The following CFAP61 variants were observed in gnomAD, a reference collection of about 807,000 sequenced individuals.
CFAP61 encodes the protein cilia and flagella associated protein 61, also known as cilia- and flagella-associated protein 61.
In CFAP61, 107 loss-of-function variants were observed where a neutral mutation model predicts 135.6. The observed-to-expected ratio is 0.79, with a 90% CI of 0.67 to 0.93. The LOEUF (loss-of-function observed/expected upper bound fraction) is 0.93. Among genes scored for constraint, CFAP61 ranks in the 40% least tolerant of loss-of-function variants. The pLI, the probability that CFAP61 is intolerant of heterozygous loss-of-function variation, is 0.00. For synonymous variants in CFAP61, 575 were observed against 578.5 expected (o/e 0.99, Z 0.09); for missense variants, 1,507 against 1,556.2 (o/e 0.97, Z 0.53).
At chr20:20,088,738 G>T (rs905961650) in intron 6 of CFAP61, among the ~76,000 whole-genome samples, 1 of 152,120 alleles carries the variant, frequency 6.6e-6, no homozygotes, top group African/African-American at 2.4e-5. Context: ...TTCTGTGTGT[G>T]TTTTTTCCTC....
intron 3 of CFAP61, among the ~76,000 whole-genome samples, chr20:20,073,114 T>C (rs1472849734): frequency 6.6e-6 from 1 of 152,216 alleles, no homozygotes; most frequent in African/African-American, 2.4e-5. Context: ...ATATTTATGA[T>C]GGAAGAGAGA....
intron 18 of CFAP61, among the ~76,000 whole-genome samples, chr20:20,229,573 C>T (rs780618508): frequency 6.6e-6 from 1 of 152,048 alleles, no homozygotes; most frequent in African/African-American, 2.4e-5. Context: ...TTGTGAAGGG[C>T]TGGGTAAGCA....
intron 6 of CFAP61, among the ~76,000 whole-genome samples, chr20:20,081,908 T>C (rs2046457982): frequency 6.6e-6 from 1 of 152,170 alleles, no homozygotes; most frequent in South Asian, 2.1e-4. Flanking sequence ...CAGTAGTGAA[T>C]TCGTGTGGAA....
intron 7 of CFAP61, among the ~76,000 whole-genome samples, chr20:20,095,352 A>C (rs6046616): frequency 0.54 from 82,347 of 152,154 alleles, 23,162 homozygotes; most frequent in East Asian, 0.97. Flanking sequence ...TAAGGCAACC[A>C]CTGTCAACCA....
intron 7 of CFAP61, among the ~76,000 whole-genome samples, chr20:20,095,381 C>G (rs1390863339): frequency 2.6e-5 from 4 of 152,232 alleles, no homozygotes; most frequent in Admixed American, 6.5e-5. Context: ...AGAAAGAAGT[C>G]CATCAAGTTT....
intron 18 of CFAP61, among the ~76,000 whole-genome samples, chr20:20,244,251 T>A (rs2050254763): frequency 6.6e-6 from 1 of 152,230 alleles, no homozygotes; most frequent in African/African-American, 2.4e-5. Flanking sequence ...GGACTCTGTG[T>A]GGGCGCCCTG....
At chr20:20,203,948 G>A (rs975142515) in intron 17 of CFAP61, among the ~76,000 whole-genome samples, 19 of 152,128 alleles carry the variant, frequency 1.2e-4, no homozygotes, top group African/African-American at 4.6e-4. Flanking sequence ...GAGGGAATGT[G>A]TTTGAGAAAA....
At chr20:20,277,904 A>G (rs559484065) in intron 22 of CFAP61, among the ~76,000 whole-genome samples, 106 of 152,216 alleles carry the variant, frequency 7.0e-4, no homozygotes, top group African/African-American at 2.4e-3. Flanking sequence ...TCCTCACAAC[A>G]TGGTGGTTTG....
intron 26 of CFAP61, among the ~76,000 whole-genome samples, chr20:20,343,197 G>A (rs1602109433): frequency 6.6e-6 from 1 of 152,168 alleles, no homozygotes; most frequent in East Asian, 1.9e-4. Flanking sequence ...AACACAGCAA[G>A]CTTCACACTC....
intron 24 of CFAP61, among the ~76,000 whole-genome samples, chr20:20,296,127 C>CATCT (rs2055487199): frequency 4.7e-5 from 1 of 21,424 alleles, no homozygotes; most frequent in Non-Finnish European, 8.5e-5. Context: ...CCCTTCCTTC[C>CATCT]TTCCTTCCTC....
At chr20:20,170,644 G>A (rs963387409) in intron 13 of CFAP61, among the ~76,000 whole-genome samples, 5 of 152,182 alleles carry the variant, frequency 3.3e-5, no homozygotes, top group African/African-American at 1.2e-4. Flanking sequence ...TGGTGGAGGA[G>A]TGTCAGAGAG....
intron 24 of CFAP61, among the ~76,000 whole-genome samples, chr20:20,297,529 C>T (rs1460008306): frequency 1.3e-5 from 2 of 152,176 alleles, no homozygotes; most frequent in African/African-American, 2.4e-5. Flanking sequence ...AGCATCTACC[C>T]TTGTCACTTG....
chr20:20,230,638 C>T lies in CFAP61; in HGVS notation c.2060+2262C>T, dbSNP rs545949203. 1.3e-3 allele frequency among the ~76,000 whole-genome samples: 202 copies of T among 152,234 alleles called. 1 individual carries two copies. Among genetic ancestry groups the T allele is most frequent in the African/African-American group, 4.5e-3 (187 of 41,540 alleles). ...AGCAATCTCGGTTCACTACAACCTC[C>T]GCCTCCCCCCAGGTTCAAGCGATTC... On this transcript the variant is annotated intron_variant, in intron 18 of 26. Coordinates refer to ENST00000245957, the MANE Select transcript of CFAP61 (RefSeq NM_015585.4).
At chr20:20,084,236 G>T (rs1385866294) in intron 6 of CFAP61, among the ~76,000 whole-genome samples, 1 of 152,166 alleles carries the variant, frequency 6.6e-6, no homozygotes, top group South Asian at 2.1e-4. Flanking sequence ...ACACACACAG[G>T]TTTGAAGAAA....
At chr20:20,146,133 A>T (rs1792849526) in intron 9 of CFAP61, among the ~76,000 whole-genome samples, 1 of 152,206 alleles carries the variant, frequency 6.6e-6, no homozygotes, top group Non-Finnish European at 1.5e-5. Context: ...TGGATGCTGC[A>T]TATGGAACCA....
In CFAP61 at chr20:20,171,677, T is replaced by C. The variant is rs2054234780; in HGVS notation, c.1385+2217T>C. ...GACCATAATTTATTATGTAATGCAT[T>C]AACAAAGAGGCACAGGCATTACTGT... On this transcript the variant is annotated intron_variant, in intron 13 of 26. Transcript: ENST00000245957. 25 of 481,294 alleles carry C rather than the reference T, an allele frequency of 5.2e-5. No homozygotes were observed. In the South Asian group the frequency reaches 9.0e-4, roughly 17 times the overall value. 29.8% of individuals were successfully genotyped at this position (481,294 alleles called of 1,614,324 possible).
chr20:20,091,506 GC>G (rs1568880472), intron 7 of CFAP61, among the ~76,000 whole-genome samples: 114 of 149,774 alleles, frequency 7.6e-4, no homozygotes, highest in Non-Finnish European at 1.4e-3. Flanking sequence ...TCTCTTGCTG[GC>G]TCTCTCTCTC....
Position 20,142,455 on chromosome 20 carries a change from C to T in CFAP61, c.860-402C>T, listed in dbSNP as rs114435082. ...TGGAGATCATTTCAAAGCCCACCAT[C>T]GAGGAAGCTGATAACCCATTGTTTG... On this transcript the variant is annotated intron_variant, in intron 8 of 26. Transcript: ENST00000245957. Among the ~76,000 whole-genome samples, 1,066 of 152,292 alleles carry T rather than the reference C, an allele frequency of 7.0e-3. 10 individuals are homozygous for T. Among genetic ancestry groups the T allele is most frequent in the African/African-American group, 0.025 (1,031 of 41,568 alleles).
chr20:20,194,306 T>C (rs1377884645), intron 15 of CFAP61, among the ~76,000 whole-genome samples: 2 of 152,236 alleles, frequency 1.3e-5, no homozygotes, highest in Non-Finnish European at 1.5e-5. Flanking sequence ...TCTTCAGTTG[T>C]GTTTATTCTA....
Sources: gnomAD v4.1 joint callset for allele counts (sites outside exome capture counted in the v4.1 genomes callset) on GRCh38, gnomAD v4.1.1 for gene constraint, MANE v1.5 for transcripts, NCBI Gene and HGNC (gene_info 2026-07-23, HGNC 2026-07-21) for gene names.